The following SENP5 variants were observed in gnomAD, a reference collection of about 807,000 sequenced individuals.
SENP5 encodes the protein SUMO specific peptidase 5, also known as sentrin-specific protease 5.
SENP5 carries 21 observed loss-of-function variants against 74.2 expected under a neutral mutation model. The observed-to-expected ratio is 0.28, with a 90% CI of 0.20 to 0.41. The LOEUF is 0.41. Ranked by LOEUF, SENP5 falls within the 10% of genes least tolerant of loss-of-function variation. The pLI is 1.00. For missense variants in SENP5, 717 were observed against 889.1 expected (o/e 0.81, Z 2.46); for synonymous variants, 311 against 312.7 (o/e 0.99, Z 0.06).
At position 196,931,718 on chromosome 3, in the gene SENP5, A is replaced by G; in HGVS notation, c.*795A>G. ...TTTTCTGTTTTCGACCTGTTAAAAA[A>G]ATCTTAACATCCATCAAACTAGTGG... On this transcript the variant is annotated 3_prime_UTR_variant, in exon 10 of 10. Transcript: ENST00000323460. 1 of 269,018 alleles carries G rather than the reference A, an allele frequency of 3.7e-6. No homozygotes were observed. Among genetic ancestry groups the G allele is most frequent in the Middle Eastern group, 4.3e-4 (1 of 2,350 alleles). The allele number at this position is 269,018 out of a possible 1,614,324, so 16.7% of individuals were successfully genotyped here.
At chr3:196,881,896 G>GTT (rs11385462) in intron 1 of SENP5, among the ~76,000 whole-genome samples, 33,791 of 109,056 alleles carry the variant, frequency 0.31, 6,635 homozygotes, top group East Asian at 0.72. Context: ...GATAGTATTA[G>GTT]TTTTTTTTTT....
At chr3:196,889,429 A>G (rs1714113221) in intron 2 of SENP5, among the ~76,000 whole-genome samples, 1 of 152,236 alleles carries the variant, frequency 6.6e-6, no homozygotes, top group African/African-American at 2.4e-5. Flanking sequence ...TACAGAATTC[A>G]TGTGTAGTGA....
At chr3:196,914,255 A>C (rs1413005874) in intron 6 of SENP5, 1 of 152,150 alleles carries the variant, frequency 6.6e-6, no homozygotes, top group African/African-American at 2.4e-5. Flanking sequence ...CCAAGTAATG[A>C]GTGTGGCTGT....
Position 196,886,316 on chromosome 3 carries a change from G to T in SENP5, c.1135G>T (p.Glu379Ter). The change falls in exon 2 of 10, where the codon GAA (glutamate) becomes TAA (stop). Residue 379 changes from glutamate (E) to a stop codon, truncating the protein, a stop_gained. Transcript: ENST00000323460. LOFTEE classifies it high-confidence loss of function. ...GCTGATTCATGACATCCCCTTACCA[G>T]AACATCGTTCTAATACCATGTTCAT... ...TELIHDIPLP[E>*]HRSNTMFISE... is the part of the protein sequence containing the mutation. The T allele has an allele frequency of 6.2e-7, 1 of 1,614,082 alleles. No homozygotes were observed. Among genetic ancestry groups the T allele is most frequent in the Non-Finnish European group, 8.5e-7 (1 of 1,180,020 alleles).
At chr3:196,928,459 T>C (rs1342247024) in intron 8 of SENP5, among the ~76,000 whole-genome samples, 1 of 152,248 alleles carries the variant, frequency 6.6e-6, no homozygotes, top group Non-Finnish European at 1.5e-5. Flanking sequence ...TTTTGTGTAT[T>C]GGATCTCATT....
chr3:196,882,498 CTTTATTTTTTAT>C (rs1713768839), intron 1 of SENP5, among the ~76,000 whole-genome samples: 1 of 151,712 alleles, frequency 6.6e-6, no homozygotes, highest in South Asian at 2.1e-4. Flanking sequence ...CTTGGTCATC[CTTTATTTTTTAT>C]TTTATTTTTT....
chr3:196,922,449 C>T (rs977071533), intron 6 of SENP5, among the ~76,000 whole-genome samples: 5 of 151,590 alleles, frequency 3.3e-5, no homozygotes, highest in African/African-American at 4.8e-5. Context: ...CTGCTGCTTA[C>T]ACCATGTCTG....
intron 2 of SENP5, among the ~76,000 whole-genome samples, chr3:196,891,105 A>G (rs750255148): frequency 3.3e-5 from 5 of 152,224 alleles, no homozygotes; most frequent in Non-Finnish European, 5.9e-5. Flanking sequence ...ATACAATGGA[A>G]TATTATTCTA....
rs376533631 is a variant in SENP5, at chr3:196,885,706, A to G, written c.525A>G (p.Gln175=). 33 of 1,614,108 alleles carry G rather than the reference A, an allele frequency of 2.0e-5. No homozygotes were observed. Among genetic ancestry groups the G allele is most frequent in the Non-Finnish European group, 2.8e-5 (33 of 1,180,044 alleles). Residue 175 remains glutamine, a synonymous_variant, in exon 2 of 10, where the codon CAA becomes CAG. Transcript: ENST00000323460. ...DFPMKFNGES[Q]SPGESGTIVV... ...CCATGAAGTTCAATGGGGAGAGCCAAAGTCCAGGTGAGAGTGGCACGATTG... is the reference window on the plus strand; with the variant it reads ...CCATGAAGTTCAATGGGGAGAGCCAGAGTCCAGGTGAGAGTGGCACGATTG...
At chr3:196,921,137 A>G (rs1261518759) in intron 6 of SENP5, among the ~76,000 whole-genome samples, 1 of 152,240 alleles carries the variant, frequency 6.6e-6, no homozygotes, top group Non-Finnish European at 1.5e-5. Flanking sequence ...ATTTGCATAT[A>G]TATAATGAGA....
At chr3:196,912,079 G>C (rs953196367) in intron 6 of SENP5, among the ~76,000 whole-genome samples, 1 of 152,088 alleles carries the variant, frequency 6.6e-6, no homozygotes, top group Admixed American at 6.6e-5. Flanking sequence ...CTATTACTGG[G>C]TATATACCCA....
At chr3:196,914,586 A>AAAAAAAAAATATATAT in intron 6 of SENP5, 43 of 33,486 alleles carry the variant, frequency 1.3e-3, no homozygotes, top group African/African-American at 4.8e-3. Context: ...AAAAAAAAAA[A>AAAAAAAAAATATATAT]ATATATATAT....
At chr3:196,883,085 C>A (rs138206589) in intron 1 of SENP5, among the ~76,000 whole-genome samples, 3 of 151,978 alleles carry the variant, frequency 2.0e-5, no homozygotes, top group Non-Finnish European at 4.4e-5. Context: ...CAAATTATGC[C>A]TGGAGTCCCT....
chr3:196,887,557 T>C (rs563753944), intron 2 of SENP5, among the ~76,000 whole-genome samples: 4 of 151,892 alleles, frequency 2.6e-5, no homozygotes, highest in African/African-American at 9.7e-5. Context: ...CCAGGCACTG[T>C]GCTGGTTCCT....
At chr3:196,899,565 GTA>G (rs1265036320) in intron 2 of SENP5, 99 bp from the exon 3 acceptor site, 2 of 692,434 alleles carry the variant, frequency 2.9e-6, no homozygotes, top group Non-Finnish European at 2.6e-6. Context: ...GTTAACCACT[GTA>G]TGTGTTAAGT....
chr3:196,928,692 T>TA (rs755975032), intron 8 of SENP5, among the ~76,000 whole-genome samples: 30 of 152,140 alleles, frequency 2.0e-4, no homozygotes, highest in Non-Finnish European at 3.1e-4. Context: ...AGACAAGATT[T>TA]ATTAGTTCAC....
intron 1 of SENP5, among the ~76,000 whole-genome samples, chr3:196,884,671 T>G (rs1372600569): frequency 7.7e-6 from 1 of 129,826 alleles, no homozygotes; most frequent in East Asian, 2.0e-4. Flanking sequence ...TCAGTTTTTT[T>G]TTGTTTTTTT....
At position 196,934,566 on chromosome 3, in the gene SENP5, C is replaced by T. The variant is rs1006139904; in HGVS notation, c.*3643C>T. Reference sequence around the variant, plus strand: ...AAGTGCTAATTGTATTTGGGTGTTACAAAAGCAGACCTAGACGAGCTGTTC... The same window carrying T: ...AAGTGCTAATTGTATTTGGGTGTTATAAAAGCAGACCTAGACGAGCTGTTC... On this transcript the variant is annotated 3_prime_UTR_variant, in exon 10 of 10. Coordinates refer to ENST00000323460, the MANE Select transcript of SENP5 (RefSeq NM_152699.5). The T allele has an allele frequency of 6.6e-6, 1 of 152,198 alleles. No homozygotes were observed. The highest frequency in any genetic ancestry group is 2.4e-5 in the African/African-American group (1 of 41,434). 9.4% of individuals were successfully genotyped at this position (152,198 alleles called of 1,614,324 possible). A position where few individuals can be genotyped will look rare whatever the true frequency, so the allele number is the denominator to read the frequency against.
At chr3:196,906,545 G>C (rs1472110930) in intron 6 of SENP5, among the ~76,000 whole-genome samples, 1 of 152,192 alleles carries the variant, frequency 6.6e-6, no homozygotes, top group Non-Finnish European at 1.5e-5. Flanking sequence ...GTAAGGGAAT[G>C]TTTCTCATAG....
Sources: allele counts gnomAD v4.1 joint callset (sites outside exome capture counted in the v4.1 genomes callset), GRCh38; gene constraint gnomAD v4.1.1; transcripts MANE v1.5; gene names NCBI Gene and HGNC (gene_info 2026-07-23, HGNC 2026-07-21).